The following LARGE1 variants were observed in gnomAD, a reference collection of about 807,000 sequenced individuals.
LARGE1 encodes the protein xylosyl- and glucuronyltransferase LARGE1.
In LARGE1, 43 loss-of-function variants were observed where a neutral mutation model predicts 87.6. The observed-to-expected ratio is 0.49, with a 90% CI of 0.38 to 0.63. The LOEUF is 0.63. LARGE1 is among the 30% of genes least tolerant of loss of function. The probability of loss-of-function intolerance (pLI) is 0.00; values close to 1 mark genes in which losing one functional copy is unlikely to be tolerated. For missense variants in LARGE1, 802 were observed against 1,000.2 expected, an observed-to-expected ratio of 0.80 and a Z score of 2.67; for synonymous variants, 434 against 394.6, an observed-to-expected ratio of 1.10 and a Z score of -1.18.
chr22:33,512,992 CT>C (rs985366984), intron 6 of LARGE1, among the ~76,000 whole-genome samples: 1 of 152,038 alleles, frequency 6.6e-6, no homozygotes, highest in Non-Finnish European at 1.5e-5. Context: ...TGTGACATCA[CT>C]CCAACCCAGG....
intron 6 of LARGE1, among the ~76,000 whole-genome samples, chr22:33,497,841 A>T (rs1569214461): frequency 6.6e-6 from 1 of 152,196 alleles, no homozygotes; most frequent in Non-Finnish European, 1.5e-5. Context: ...TCTACACTGT[A>T]CAAAGCAAGA....
intron 1 of LARGE1, among the ~76,000 whole-genome samples, chr22:33,798,102 G>C (rs111424024): frequency 6.6e-6 from 1 of 152,036 alleles, no homozygotes; most frequent in Non-Finnish European, 1.5e-5. Context: ...GCGAAAACCC[G>C]TCTCTACTGA....
intron 2 of LARGE1, among the ~76,000 whole-genome samples, chr22:33,712,637 A>AGTGTGTGTGTGTGTGTGTGTGTGTGT (rs34754283): frequency 2.2e-5 from 3 of 134,636 alleles, no homozygotes; most frequent in Non-Finnish European, 4.8e-5. Flanking sequence ...TGAGGGGTAC[A>AGTGTGTGTGTGTGTGTGTGTGTGTGT]GTGTGTGTGT....
intron 9 of LARGE1, among the ~76,000 whole-genome samples, chr22:33,344,640 G>GAT (rs369562747): frequency 1.9e-4 from 29 of 151,730 alleles, no homozygotes; most frequent in South Asian, 4.2e-4. Context: ...CTGTGTTGCT[G>GAT]ATATATATAT....
intron 11 of LARGE1, among the ~76,000 whole-genome samples, chr22:33,243,179 A>G (rs1214453499): frequency 1.3e-5 from 2 of 152,266 alleles, no homozygotes; most frequent in Non-Finnish European, 2.9e-5. Context: ...ATAACAAGAC[A>G]GAATTAACAA....
chr22:33,210,308 G>A (rs934165748), intron 11 of LARGE1, among the ~76,000 whole-genome samples: 1 of 152,234 alleles, frequency 6.6e-6, no homozygotes, highest in African/African-American at 2.4e-5. Flanking sequence ...ATAGACGGGG[G>A]TGGCACAAGG....
At chr22:33,656,822 T>C (rs993303767) in intron 2 of LARGE1, 1 of 152,212 alleles carries the variant, frequency 6.6e-6, no homozygotes, top group Non-Finnish European at 1.5e-5. Context: ...CAAACATGAA[T>C]TTATCATCGA....
rs9619382 is a variant in LARGE1 at position 33,879,183 on chromosome 22, G to A, written c.-83+40812C>T. Among the ~76,000 whole-genome samples the A allele has an allele frequency of 5.1e-3, 784 of 152,250 alleles. 8 individuals carry two copies. The highest frequency in any genetic ancestry group is 0.018 in the African/African-American group (744 of 41,546). On this transcript the variant is annotated intron_variant, in intron 1 of 14. Coordinates refer to ENST00000397394, the MANE Select transcript of LARGE1 (RefSeq NM_133642.5). ...GACAGGGTTTCTCTATGTTGGTCAGGCTGGTCTCCTGACCTCAGGTGATCT... is the reference window on the plus strand; with the variant it reads ...GACAGGGTTTCTCTATGTTGGTCAGACTGGTCTCCTGACCTCAGGTGATCT...
At chr22:33,156,936 T>G in the LARGE1 span, among the ~76,000 whole-genome samples, 3 of 152,268 alleles carry the variant, frequency 2.0e-5, no homozygotes, top group East Asian at 5.8e-4. Context: ...TCTGATGGTT[T>G]TAAAAATGGG....
intron 11 of LARGE1, among the ~76,000 whole-genome samples, chr22:33,264,502 A>T (rs1411622823): frequency 1.3e-5 from 2 of 152,206 alleles, no homozygotes; most frequent in African/African-American, 4.8e-5. Flanking sequence ...TCTACTAAAA[A>T]TACAAAAATT....
At chr22:33,493,199 C>T (rs967956110) in intron 6 of LARGE1, among the ~76,000 whole-genome samples, 4 of 131,358 alleles carry the variant, frequency 3.0e-5, no homozygotes, top group East Asian at 2.3e-4. Context: ...CTTGCTCTGT[C>T]GCCCAGGCTG....
chr22:33,410,081 G>T (rs1207536225), intron 7 of LARGE1, among the ~76,000 whole-genome samples: 1 of 152,056 alleles, frequency 6.6e-6, no homozygotes, highest in Non-Finnish European at 1.5e-5. Context: ...CACCTGCTTG[G>T]TTTTACGAAC....
intron 3 of LARGE1, among the ~76,000 whole-genome samples, chr22:33,635,221 C>T (rs1305667691): frequency 2.6e-5 from 4 of 152,010 alleles, no homozygotes; most frequent in South Asian, 4.1e-4. Context: ...GAATGCAGAC[C>T]GTACAGGGGA....
At chr22:33,492,128 A>C (rs1415100322) in intron 6 of LARGE1, among the ~76,000 whole-genome samples, 2 of 152,208 alleles carry the variant, frequency 1.3e-5, no homozygotes, top group Non-Finnish European at 2.9e-5. Context: ...TAACAGCAAG[A>C]CTGATGGGGC....
chr22:33,546,962 C>G (rs2077376670), intron 6 of LARGE1, among the ~76,000 whole-genome samples: 1 of 152,196 alleles, frequency 6.6e-6, no homozygotes, highest in African/African-American at 2.4e-5. Flanking sequence ...TGGAATAAAT[C>G]AACTCGTAAT....
chr22:33,379,330 T>A (rs1051874481), intron 9 of LARGE1, among the ~76,000 whole-genome samples: 84 of 151,902 alleles, frequency 5.5e-4, no homozygotes, highest in Admixed American at 2.2e-3. Context: ...TTGTTACATA[T>A]GTGTACATGT....
intron 6 of LARGE1, among the ~76,000 whole-genome samples, chr22:33,434,501 G>A (rs563369631): frequency 2.0e-5 from 3 of 152,060 alleles, no homozygotes; most frequent in East Asian, 1.9e-4. Context: ...GGGTTTCACC[G>A]TGTTGGCCAG....
At chr22:33,885,004 G>A (rs2064805123) in intron 1 of LARGE1, among the ~76,000 whole-genome samples, 1 of 152,188 alleles carries the variant, frequency 6.6e-6, no homozygotes, top group African/African-American at 2.4e-5. Flanking sequence ...AATAATTACT[G>A]GAACTTATTT....
chr22:33,293,244 G>C (rs1602272871), intron 12 of LARGE1, among the ~76,000 whole-genome samples: 1 of 152,322 alleles, frequency 6.6e-6, no homozygotes, highest in East Asian at 1.9e-4. Context: ...ACTGTAGGTG[G>C]TTGATAAATT....
Sources: allele counts gnomAD v4.1 joint callset (sites outside exome capture counted in the v4.1 genomes callset), GRCh38; gene constraint gnomAD v4.1.1; transcripts MANE v1.5; gene names NCBI Gene and HGNC (gene_info 2026-07-23, HGNC 2026-07-21).